Variants in POLR3G observed in about 807,000 individuals in gnomAD.
POLR3G encodes DNA-directed RNA polymerase III subunit RPC7.
POLR3G carries 28 observed loss-of-function variants against 30.1 expected under a neutral mutation model. The ratio of observed to expected loss-of-function variants is 0.93; its 90% CI spans 0.69 to 1.27. The LOEUF (loss-of-function observed/expected upper bound fraction) is 1.27, where lower values mean the gene tolerates loss of function less well. POLR3G is among the 50% of genes most tolerant of loss of function. The pLI, the probability that POLR3G is intolerant of heterozygous loss-of-function variation, is 0.00. For synonymous variants in POLR3G, 79 were observed against 82.5 expected (o/e 0.96, Z 0.23); for missense variants, 254 against 264.6 (o/e 0.96, Z 0.28).
At chr5:90,489,384 G>A (rs1751609715) in intron 3 of POLR3G, among the ~76,000 whole-genome samples, 1 of 151,084 alleles carries the variant, frequency 6.6e-6, no homozygotes, top group African/African-American at 2.4e-5. Context: ...TCACATCTCA[G>A]CCTCCTGAGT....
chr5:90,474,777 C>G (rs965555795), upstream of POLR3G: 3 of 179,996 alleles, frequency 1.7e-5, no homozygotes, highest in Non-Finnish European at 3.5e-5. Context: ...TGTACGGCGA[C>G]TACGGCGCCT....
intron 1 of POLR3G, among the ~76,000 whole-genome samples, chr5:90,484,215 C>T (rs1751294545): frequency 2.0e-5 from 3 of 152,190 alleles, no homozygotes; most frequent in Non-Finnish European, 4.4e-5. Context: ...GGCCCACTCA[C>T]AGTTTCTTTT....
chr5:90,506,610 GTGA>G lies in POLR3G; in HGVS notation c.528_530del (p.Asp181del). ...GGAAGCAAAGAGAAAAGTAAAGAAG[GTGA>G]TGATGACGATGACGATGATGCCGCA... On this transcript the variant is annotated inframe_deletion, in exon 7 of 8. Transcript: ENST00000651687. 5.0e-6 allele frequency: 8 copies of G among 1,613,866 alleles called. No individual in the cohort carries two copies. Among genetic ancestry groups the G allele is most frequent in the South Asian group, 1.1e-5 (1 of 91,012 alleles).
At chr5:90,496,281 TTTTACAAAAATAGGA>T (rs1402737687) in intron 4 of POLR3G, among the ~76,000 whole-genome samples, 1 of 152,226 alleles carries the variant, frequency 6.6e-6, no homozygotes, top group Non-Finnish European at 1.5e-5. Context: ...AATATACATT[TTTTACAAAAATAGGA>T]CAGGCCAAAC....
chr5:90,499,255 A>G (rs910844027), intron 5 of POLR3G, among the ~76,000 whole-genome samples: 10 of 152,154 alleles, frequency 6.6e-5, no homozygotes, highest in Non-Finnish European at 1.3e-4. Context: ...AGGAATGCCA[A>G]CATTTAATGG....
rs545600910 is a variant in POLR3G at position 90,506,210 on chromosome 5, CAG to C, written c.439-315_439-314del. The stretch of plus-strand genomic sequence containing the variant: ...TGGCACTGCACTCCAGCCTGGGTGA[CAG>C]AGCGAGACTTTCTCTCAAAAAAGAA... On this transcript the variant is annotated intron_variant, in intron 6 of 7. Transcript: ENST00000651687. Among the ~76,000 whole-genome samples, 45 of 152,260 alleles carry C rather than the reference CAG, an allele frequency of 3.0e-4. 2 individuals are homozygous for C. The East Asian group carries it at 7.1e-3, about 24-fold the overall frequency.
chr5:90,501,670 A>G (rs894353614), intron 5 of POLR3G, among the ~76,000 whole-genome samples: 2 of 152,136 alleles, frequency 1.3e-5, no homozygotes, highest in Admixed American at 1.3e-4. Context: ...TAAAAAATAT[A>G]GTTAACTTCA....
intron 1 of POLR3G, among the ~76,000 whole-genome samples, chr5:90,478,586 T>TTTTTTTTTTTTTG (rs70999487): frequency 6.8e-6 from 1 of 146,924 alleles, no homozygotes; most frequent in African/African-American, 2.5e-5. Flanking sequence ...TTTTTTTTTT[T>TTTTTTTTTTTTTG]GAGAGGGAGC....
At position 90,492,467 on chromosome 5, in the gene POLR3G, A is replaced by G. The variant is rs199550656; in HGVS notation, c.248-3210A>G. ...AACAATGATTGAAAGGAAATTGATT[A>G]TATAGACATGAAATTGTTTTCTGGA... On this transcript the variant is annotated intron_variant, in intron 3 of 7. Coordinates refer to ENST00000651687, the MANE Select transcript of POLR3G (RefSeq NM_006467.3). 3.3e-5 allele frequency among the ~76,000 whole-genome samples: 5 copies of G among 152,370 alleles called. No individual in the cohort carries two copies. The East Asian group carries it at 9.6e-4, about 29-fold the overall frequency.
At chr5:90,509,015 C>A (rs1488761416) in intron 7 of POLR3G, among the ~76,000 whole-genome samples, 1 of 152,140 alleles carries the variant, frequency 6.6e-6, no homozygotes, top group Non-Finnish European at 1.5e-5. Flanking sequence ...GAGCTGAGAT[C>A]GTGCCACTGC....
At chr5:90,490,698 C>A in intron 3 of POLR3G, 2 of 362,558 alleles carry the variant, frequency 5.5e-6, no homozygotes, top group Non-Finnish European at 1.1e-5. Context: ...CATGAGCCAC[C>A]GCACCCAGCT....
At chr5:90,475,737 A>T (rs1275305398) in intron 1 of POLR3G, among the ~76,000 whole-genome samples, 1 of 152,046 alleles carries the variant, frequency 6.6e-6, no homozygotes, top group Non-Finnish European at 1.5e-5. Flanking sequence ...GTTTTTTGAG[A>T]CAGAGTCTCT....
chr5:90,495,581 ATGT>A (rs1241446360), intron 3 of POLR3G, 93 bp from the exon 4 acceptor site: 94 of 1,494,200 alleles, frequency 6.3e-5, no homozygotes, highest in Non-Finnish European at 7.9e-5. Context: ...AAAATTAAAA[ATGT>A]TGTCTGTTGT....
chr5:90,477,696 T>TA lies in POLR3G; in HGVS notation c.-44+2677dup, dbSNP rs746497495. ...CATTTATTCATGGAGCTGACGTTGT[T>TA]ACTGGTGGAGGGTGTCCAGGTTCTT... On this transcript the variant is annotated intron_variant, in intron 1 of 7. Transcript: ENST00000651687. Among the ~76,000 whole-genome samples, 68 of 152,314 alleles carry TA rather than the reference T, an allele frequency of 4.5e-4. 1 individual carries two copies. The highest frequency in any genetic ancestry group is 1.1e-3 in the Admixed American group (17 of 15,296).
At chr5:90,483,652 A>C (rs2151901316) in intron 1 of POLR3G, among the ~76,000 whole-genome samples, 1 of 152,236 alleles carries the variant, frequency 6.6e-6, no homozygotes, top group Admixed American at 6.5e-5. Flanking sequence ...TAAAAAAATA[A>C]GCCGGGCATG....
intron 1 of POLR3G, among the ~76,000 whole-genome samples, chr5:90,484,745 G>T (rs972540910): frequency 3.9e-5 from 6 of 152,232 alleles, no homozygotes; most frequent in Middle Eastern, 3.4e-3. Flanking sequence ...TGGGTTCAAG[G>T]GGTTAAATGA....
chr5:90,495,617 G>A, intron 3 of POLR3G, 60 bp from the exon 4 acceptor site: 1 of 1,569,766 alleles, frequency 6.4e-7, no homozygotes, highest in Non-Finnish European at 8.6e-7. Flanking sequence ...TAAAGGAATG[G>A]CTTAAGTTCA....
At chr5:90,511,378 G>A (rs1467420982) in intron 7 of POLR3G, among the ~76,000 whole-genome samples, 2 of 152,116 alleles carry the variant, frequency 1.3e-5, no homozygotes, top group African/African-American at 2.4e-5. Flanking sequence ...TCCATACATT[G>A]CAACTGATTA....
chr5:90,511,039 G>A (rs1752717463), intron 7 of POLR3G, among the ~76,000 whole-genome samples: 1 of 152,040 alleles, frequency 6.6e-6, no homozygotes, highest in Admixed American at 6.5e-5. Context: ...AAACACCCAT[G>A]GTCTTATCAC....
Sources: gnomAD v4.1 joint callset for allele counts (sites outside exome capture counted in the v4.1 genomes callset) on GRCh38, gnomAD v4.1.1 for gene constraint, MANE v1.5 for transcripts, NCBI Gene and HGNC (gene_info 2026-07-23, HGNC 2026-07-21) for gene names.